The following SCN8A variants were observed in gnomAD, a reference collection of about 807,000 sequenced individuals.
The protein encoded by SCN8A is sodium channel protein type 8 subunit alpha.
A neutral mutation model predicts 184.1 loss-of-function variants in SCN8A; 30 were observed. That is an observed-to-expected ratio of 0.16 (90% CI 0.12 to 0.22). The LOEUF is 0.22. SCN8A is among the 10% of genes least tolerant of loss of function. The pLI is 1.00. For missense variants in SCN8A, 1,057 were observed against 2,498.9 expected (o/e 0.42, Z 12.30); for synonymous variants, 852 against 907.0 (o/e 0.94, Z 1.09).
In SCN8A at chr12:51,807,599, C is replaced by T; in HGVS notation, c.*170C>T. The T allele has an allele frequency of 1.4e-6, 1 of 728,088 alleles. No individual in the cohort carries two copies. Among genetic ancestry groups the T allele is most frequent in the African/African-American group, 1.8e-5 (1 of 56,510 alleles). The allele number at this position is 728,088 out of a possible 1,614,324, so 45.1% of individuals were successfully genotyped here. A position where few individuals can be genotyped will look rare whatever the true frequency, so the allele number is the denominator to read the frequency against. The stretch of plus-strand genomic sequence containing the variant: ...ACACAGCTGCATCTTGAGCAGTGAC[C>T]TGCCAAGGGCAAAGGACCCCGCTCC... On this transcript the variant is annotated 3_prime_UTR_variant, in exon 27 of 27. Coordinates refer to ENST00000627620, the MANE Select transcript of SCN8A (RefSeq NM_001330260.2). This position sits in a 1 kb window ranked among gnomAD's most constrained non-coding sequence, Gnocchi z 4.5.
intron 1 of SCN8A, among the ~76,000 whole-genome samples, chr12:51,603,814 A>G (rs1301429733): frequency 3.9e-5 from 6 of 151,996 alleles, no homozygotes; most frequent in Non-Finnish European, 8.8e-5. Flanking sequence ...TGTAATGGCT[A>G]ATGATGTCTA....
chr12:51,751,798 C>T (rs568676126), intron 14 of SCN8A, among the ~76,000 whole-genome samples: 4 of 152,274 alleles, frequency 2.6e-5, no homozygotes, highest in African/African-American at 9.6e-5. Context: ...ACTTTGAAGA[C>T]GTCATTTAGG....
chr12:51,594,791 CT>C (rs907398735), intron 1 of SCN8A, among the ~76,000 whole-genome samples: 4 of 151,288 alleles, frequency 2.6e-5, no homozygotes, highest in South Asian at 2.1e-4. Flanking sequence ...TTTTTCCAGT[CT>C]TTTTTTTTCC....
intron 1 of SCN8A, among the ~76,000 whole-genome samples, chr12:51,621,413 A>T (rs944209576): frequency 1.3e-5 from 2 of 152,200 alleles, no homozygotes; most frequent in African/African-American, 4.8e-5. Context: ...GTTTTAAACC[A>T]TCACTCTAAA....
At chr12:51,664,537 ATGTAT>A (rs1403529631) in intron 2 of SCN8A, among the ~76,000 whole-genome samples, 1 of 152,042 alleles carries the variant, frequency 6.6e-6, no homozygotes, top group Non-Finnish European at 1.5e-5. Flanking sequence ...TTTTTAGTAA[ATGTAT>A]TGTCCAAGCT....
At chr12:51,659,620 G>A (rs983513312) in intron 1 of SCN8A, among the ~76,000 whole-genome samples, 1 of 152,174 alleles carries the variant, frequency 6.6e-6, no homozygotes, top group South Asian at 2.1e-4. Context: ...TAAGTTTGAG[G>A]GAGGGAAATG....
rs377738456 is a variant in SCN8A at position 51,779,712 on chromosome 12, A to G, written c.3820-937A>G. Among the ~76,000 whole-genome samples the G allele has an allele frequency of 9.2e-5, 14 of 152,334 alleles. No homozygotes were observed. The South Asian group carries it at 1.9e-3, about 20-fold the overall frequency. On this transcript the variant is annotated intron_variant, in intron 20 of 26. Transcript: ENST00000627620. ...CTCATCTATCAAATTTTGTTTTCCA[A>G]TAATTCTTCCAACTGTTATTCTAAT...
chr12:51,609,032 T>G (rs1368954657), intron 1 of SCN8A, among the ~76,000 whole-genome samples: 6 of 152,262 alleles, frequency 3.9e-5, no homozygotes, highest in African/African-American at 1.4e-4. Context: ...TTCTATGTAT[T>G]TGCATGGTTT....
At chr12:51,660,337 G>T (rs1457571506) in intron 1 of SCN8A, among the ~76,000 whole-genome samples, 1 of 152,178 alleles carries the variant, frequency 6.6e-6, no homozygotes, top group Admixed American at 6.5e-5. Flanking sequence ...AAGAACCCAG[G>T]TGCCTGCAAT....
intron 2 of SCN8A, among the ~76,000 whole-genome samples, chr12:51,677,289 T>C (rs140980742): frequency 1.3e-3 from 200 of 152,104 alleles, no homozygotes; most frequent in African/African-American, 4.5e-3. Flanking sequence ...AGTTTTGCCA[T>C]GTTGCCCAGG....
chr12:51,629,721 A>G (rs1271154012), intron 1 of SCN8A, among the ~76,000 whole-genome samples: 1 of 152,040 alleles, frequency 6.6e-6, no homozygotes, highest in African/African-American at 2.4e-5. Flanking sequence ...ATATTGTGAT[A>G]AGCTTGGAAT....
At position 51,812,663 on chromosome 12, in the gene SCN8A, C is replaced by T. The variant is rs962704131; in HGVS notation, c.*5234C>T. On this transcript the variant is annotated 3_prime_UTR_variant, in exon 27 of 27. Transcript: ENST00000627620. ...TTGTGATTATTCAAGACAATTTTTT[C>T]CCCTTGCTGTATCTCCTTCCCTCAC... is the stretch of plus-strand genomic sequence containing the variant. 1.3e-5 allele frequency: 2 copies of T among 152,196 alleles called. No individual in the cohort carries two copies. The highest frequency in any genetic ancestry group is 2.9e-5 in the Non-Finnish European group (2 of 68,036). 9.4% of individuals were successfully genotyped at this position (152,196 alleles called of 1,614,324 possible).
At chr12:51,726,874 C>T (rs1248921729) in intron 12 of SCN8A, among the ~76,000 whole-genome samples, 3 of 152,016 alleles carry the variant, frequency 2.0e-5, no homozygotes, top group Non-Finnish European at 4.4e-5. Context: ...AATTATTGTA[C>T]AATTATTTTA....
intron 2 of SCN8A, among the ~76,000 whole-genome samples, chr12:51,667,445 C>T (rs1941053838): frequency 6.6e-6 from 1 of 152,050 alleles, no homozygotes; most frequent in Non-Finnish European, 1.5e-5. Flanking sequence ...ACTGCAGCCT[C>T]AACCTCCTGG....
At position 51,786,426 on chromosome 12, in the gene SCN8A, G is replaced by A. The variant is rs192818061; in HGVS notation, c.3943-116G>A. The A allele has an allele frequency of 1.6e-4, 184 of 1,148,952 alleles. 1 individual carries two copies. In the African/African-American group the frequency reaches 2.3e-3, roughly 14 times the overall value. The allele number at this position is 1,148,952 out of a possible 1,614,324, so 71.2% of individuals were successfully genotyped here. ...TGTCCAGTTACTCTAATTCCAAAGG[G>A]AATGTAATGTTTCCATACAGAACAA... On this transcript the variant is annotated intron_variant, in intron 21 of 26. Transcript: ENST00000627620.
intron 16 of SCN8A, 39 bp from the exon 17 acceptor site, chr12:51,768,826 T>C: frequency 6.7e-7 from 1 of 1,499,404 alleles, no homozygotes; most frequent in South Asian, 1.4e-5. Flanking sequence ...TGGATAACTT[T>C]TCTGCATTTG....
rs1052194152 is a variant in SCN8A at position 51,686,556 on chromosome 12, AGTTATT to A, written c.485+101_485+106del. 4.0e-6 allele frequency: 3 copies of A among 745,402 alleles called. No individual in the cohort carries two copies. In the Admixed American group the frequency reaches 7.3e-5, roughly 18 times the overall value. 46.2% of individuals were successfully genotyped at this position (745,402 alleles called of 1,614,324 possible). On this transcript the variant is annotated intron_variant, in intron 4 of 26. Coordinates refer to ENST00000627620, the MANE Select transcript of SCN8A (RefSeq NM_001330260.2). ...TTACCCATCAAGGAGAAAAAAAATT[AGTTATT>A]GCCTCTCTTTATTTCACAGAGAAGG...
chr12:51,687,490 T>G (rs1324130561), intron 5 of SCN8A, among the ~76,000 whole-genome samples: 1 of 152,156 alleles, frequency 6.6e-6, no homozygotes, highest in African/African-American at 2.4e-5. Flanking sequence ...ATTGGCACTC[T>G]CTCGTATTTT....
intron 1 of SCN8A, among the ~76,000 whole-genome samples, chr12:51,643,658 C>T (rs1189985786): frequency 6.6e-6 from 1 of 152,152 alleles, no homozygotes; most frequent in Non-Finnish European, 1.5e-5. Flanking sequence ...ATGAGGTGGA[C>T]TTGAGGCTCA....
Sources: gnomAD v4.1 joint callset for allele counts (sites outside exome capture counted in the v4.1 genomes callset) on GRCh38, gnomAD v4.1.1 for gene constraint, Gnocchi (gnomAD v3.1) non-coding constraint, MANE v1.5 for transcripts, NCBI Gene and HGNC (gene_info 2026-07-23, HGNC 2026-07-21) for gene names.